Variants in FBLN7 observed in about 807,000 individuals in gnomAD.
FBLN7 encodes the protein fibulin-7.
Under a neutral mutation model 44.0 loss-of-function variants are expected in FBLN7, and 31 were observed. The ratio of observed to expected loss-of-function variants is 0.70; its 90% CI spans 0.53 to 0.95. FBLN7 has a LOEUF of 0.95. Ranked by LOEUF, FBLN7 falls within the 40% of genes least tolerant of loss-of-function variation. The pLI is 0.00. For synonymous variants in FBLN7, 262 were observed against 253.4 expected (o/e 1.03, Z -0.32); for missense variants, 573 against 618.5 (o/e 0.93, Z 0.78).
At chr2:112,205,896 A>G in the FBLN7 span, among the ~76,000 whole-genome samples, 1 of 152,206 alleles carries the variant, frequency 6.6e-6, no homozygotes, top group Non-Finnish European at 1.5e-5. Context: ...TTAAATCTAA[A>G]TTAATTTGGA....
At chr2:112,213,650 C>G in the FBLN7 span, 8 of 150,918 alleles carry the variant, frequency 5.3e-5, no homozygotes, top group Non-Finnish European at 2.9e-5. Context: ...GTGGCATGCA[C>G]CTGTAGTCCC....
the FBLN7 span, chr2:112,230,918 T>C: frequency 7.8e-7 from 1 of 1,282,810 alleles, no homozygotes; most frequent in Non-Finnish European, 1.0e-6. Context: ...TATGTCTATT[T>C]TATTTACATG....
the FBLN7 span, chr2:112,240,590 G>A: frequency 2.0e-5 from 3 of 152,090 alleles, no homozygotes; most frequent in Non-Finnish European, 2.9e-5. Flanking sequence ...CTCCTTTTAC[G>A]ACAAGTAATA....
the FBLN7 span, among the ~76,000 whole-genome samples, chr2:112,243,207 TCAAA>T: frequency 6.6e-6 from 1 of 152,194 alleles, no homozygotes; most frequent in African/African-American, 2.4e-5. Flanking sequence ...TTTTGCACAC[TCAAA>T]CAGTTCCAGA....
the FBLN7 span, among the ~76,000 whole-genome samples, chr2:112,203,213 T>C: frequency 6.6e-6 from 1 of 152,132 alleles, no homozygotes; most frequent in Non-Finnish European, 1.5e-5. Flanking sequence ...TTGAGGTACT[T>C]CTCATGCAGG....
chr2:112,165,381 A>G (rs1682098076), intron 3 of FBLN7, among the ~76,000 whole-genome samples: 1 of 152,100 alleles, frequency 6.6e-6, no homozygotes. Flanking sequence ...TATCTTCACA[A>G]TAATTTAGTC....
At position 112,187,430 on chromosome 2, in the gene FBLN7, C is replaced by G; in HGVS notation, c.1244C>G (p.Ser415Trp). 1 of 1,614,188 alleles carries G rather than the reference C, an allele frequency of 6.2e-7. No individual in the cohort carries two copies. The highest frequency in any genetic ancestry group is 8.5e-7 in the Non-Finnish European group (1 of 1,180,048). Residue 415 changes from serine to tryptophan, a missense_variant, in exon 8 of 8, where the codon TCG (serine) becomes TGG (tryptophan). Transcript: ENST00000331203. The surrounding 1 kb of genome is among the most constrained non-coding windows in gnomAD (Gnocchi z 5.1). ...PQTLEVDVDM[S>W]EYLDRSFQAN... Reference sequence around the variant, plus strand: ...ACGCTGGAGGTGGACGTCGACATGTCGGAATACCTGGACCGCTCCTTCCAG... The same window carrying G: ...ACGCTGGAGGTGGACGTCGACATGTGGGAATACCTGGACCGCTCCTTCCAG...
At chr2:112,156,962 C>T (rs72831621) in intron 1 of FBLN7, among the ~76,000 whole-genome samples, 4,207 of 152,226 alleles carry the variant, frequency 0.028, 77 homozygotes, top group Middle Eastern at 0.051. Flanking sequence ...GGCTGGAAGC[C>T]ACCCTGGCTG....
intron 7 of FBLN7, among the ~76,000 whole-genome samples, chr2:112,186,137 G>A (rs967298688): frequency 1.1e-4 from 16 of 152,084 alleles, no homozygotes; most frequent in Non-Finnish European, 1.5e-4. Context: ...GAAGTCACTC[G>A]GTGAAGGGAT....
chr2:112,165,216 TATAGCAA>T, intron 3 of FBLN7, 45 bp downstream of exon 3: 1 of 1,577,246 alleles, frequency 6.3e-7, no homozygotes, highest in Non-Finnish European at 8.6e-7. Flanking sequence ...CCCATCACAG[TATAGCAA>T]GGGTTTCTTG....
the FBLN7 span, chr2:112,212,039 T>C: frequency 7.2e-5 from 11 of 152,336 alleles, no homozygotes; most frequent in African/African-American, 2.6e-4. Context: ...TACCACAGAC[T>C]AGGTGGCTTA....
chr2:112,167,535 C>T (rs1682222061), intron 3 of FBLN7, among the ~76,000 whole-genome samples: 2 of 152,182 alleles, frequency 1.3e-5, no homozygotes, highest in African/African-American at 4.8e-5. Context: ...CGTGTCCTAA[C>T]TTGTGCCATG....
Position 112,165,095 on chromosome 2 carries a change from G to T in FBLN7, c.330G>T (p.Gly110=). The T allele has an allele frequency of 6.2e-7, 1 of 1,614,218 alleles. No individual in the cohort carries two copies. Among genetic ancestry groups the T allele is most frequent in the Middle Eastern group, 1.6e-4 (1 of 6,062 alleles). The change falls in exon 3 of 8, where the codon GGG becomes GGT. Residue 110 remains glycine, a synonymous_variant. Coordinates refer to ENST00000331203, the MANE Select transcript of FBLN7 (RefSeq NM_153214.3). ...DHEVHFTCNP[G]FRLVGPSSVV... ...AAGTCCATTTTACCTGCAACCCTGG[G>T]TTCCGGCTGGTCGGGCCCAGCAGCG...
chr2:112,176,884 G>A (rs1573820128), intron 4 of FBLN7: 1 of 151,870 alleles, frequency 6.6e-6, no homozygotes, highest in East Asian at 1.9e-4. Flanking sequence ...GCCAGTCCTG[G>A]TCACTGAATG....
the FBLN7 span, chr2:112,231,936 A>G: frequency 1.3e-6 from 2 of 1,559,172 alleles, no homozygotes; most frequent in African/African-American, 1.4e-5. Context: ...TAAAACTTAC[A>G]AGGATATTCA....
At chr2:112,205,095 A>G in the FBLN7 span, among the ~76,000 whole-genome samples, 1 of 152,172 alleles carries the variant, frequency 6.6e-6, no homozygotes, top group African/African-American at 2.4e-5. Context: ...ACTGTCTACT[A>G]TAGAAATTAA....
At chr2:112,174,895 T>C (rs750889950) in intron 3 of FBLN7, among the ~76,000 whole-genome samples, 33 of 152,240 alleles carry the variant, frequency 2.2e-4, no homozygotes, top group Non-Finnish European at 3.7e-4. Flanking sequence ...CTCTAGGTTT[T>C]AAAACAATCA....
chr2:112,195,674 G>A, the FBLN7 span, among the ~76,000 whole-genome samples: 2 of 152,132 alleles, frequency 1.3e-5, no homozygotes, highest in African/African-American at 2.4e-5. Flanking sequence ...GAGATAACGT[G>A]GTTATGATTT....
chr2:112,157,164 G>A (rs1430142340), intron 1 of FBLN7, among the ~76,000 whole-genome samples: 1 of 152,210 alleles, frequency 6.6e-6, no homozygotes, highest in East Asian at 1.9e-4. Context: ...GAAGTCAGGA[G>A]TTCGAGACCA....
Sources: allele counts gnomAD v4.1 joint callset (sites outside exome capture counted in the v4.1 genomes callset), GRCh38; gene constraint gnomAD v4.1.1; non-coding constraint Gnocchi (gnomAD v3.1); transcripts MANE v1.5; gene names NCBI Gene and HGNC (gene_info 2026-07-23, HGNC 2026-07-21).